The following KCND2 variants were observed in gnomAD, a reference collection of about 807,000 sequenced individuals.
KCND2 encodes A-type voltage-gated potassium channel KCND2.
KCND2 carries 16 observed loss-of-function variants against 54.4 expected under a neutral mutation model. The observed-to-expected ratio is 0.29, with a 90% confidence interval of 0.20 to 0.45. The LOEUF (loss-of-function observed/expected upper bound fraction) is 0.45, where lower values mean the gene tolerates loss of function less well. Among genes scored for constraint, KCND2 ranks in the 20% least tolerant of loss-of-function variants. The probability of loss-of-function intolerance (pLI) is 1.00; values close to 1 mark genes in which losing one functional copy is unlikely to be tolerated. For missense variants in KCND2, 486 were observed against 824.2 expected (o/e 0.59, Z 5.02); for synonymous variants, 317 against 310.7 (o/e 1.02, Z -0.21).
chr7:120,369,915 C>T (rs1800742828), intron 1 of KCND2, among the ~76,000 whole-genome samples: 1 of 151,964 alleles, frequency 6.6e-6, no homozygotes, highest in African/African-American at 2.4e-5. Flanking sequence ...ACATATATCA[C>T]ATTACATACT....
chr7:120,404,762 T>G (rs529094491), intron 1 of KCND2, among the ~76,000 whole-genome samples: 41 of 117,354 alleles, frequency 3.5e-4, no homozygotes, highest in East Asian at 5.3e-4. Context: ...TTAGCACTGA[T>G]TTTTGGGGGG....
chr7:120,719,973 A>T, intron 1 of KCND2, among the ~76,000 whole-genome samples: 1 of 152,128 alleles, frequency 6.6e-6, no homozygotes, highest in East Asian at 1.9e-4. Flanking sequence ...CATTTCATAC[A>T]AGTAGAACAT....
intron 1 of KCND2, among the ~76,000 whole-genome samples, chr7:120,354,119 A>AT (rs904735482): frequency 2.6e-5 from 4 of 152,034 alleles, no homozygotes; most frequent in African/African-American, 9.7e-5. Flanking sequence ...TGAACCAGCC[A>AT]TTTTTTTAAT....
chr7:120,570,845 G>T (rs1226818825), intron 1 of KCND2, among the ~76,000 whole-genome samples: 1 of 152,050 alleles, frequency 6.6e-6, no homozygotes, highest in East Asian at 1.9e-4. Flanking sequence ...TAAAGCTAAG[G>T]GTGACCTTTC....
At chr7:120,403,085 G>T (rs542834733) in intron 1 of KCND2, among the ~76,000 whole-genome samples, 3 of 152,278 alleles carry the variant, frequency 2.0e-5, no homozygotes, top group African/African-American at 7.2e-5. Context: ...CATATGTAAA[G>T]ATGACTTAGC....
chr7:120,456,158 A>T (rs1802197970), intron 1 of KCND2, among the ~76,000 whole-genome samples: 1 of 152,180 alleles, frequency 6.6e-6, no homozygotes, highest in African/African-American at 2.4e-5. Flanking sequence ...TCTAACTCAC[A>T]TGCATGGGTT....
intron 1 of KCND2, among the ~76,000 whole-genome samples, chr7:120,503,111 T>C (rs1359346631): frequency 6.6e-6 from 1 of 152,026 alleles, no homozygotes; most frequent in Non-Finnish European, 1.5e-5. Context: ...TTAAAGTAAA[T>C]ATAATCTACT....
chr7:120,431,796 C>T (rs1215996765), intron 1 of KCND2, among the ~76,000 whole-genome samples: 1 of 151,938 alleles, frequency 6.6e-6, no homozygotes, highest in Middle Eastern at 3.2e-3. Flanking sequence ...CCTTATGTAC[C>T]TCTCCTCCCT....
rs888166955 is a variant in KCND2 at position 120,750,276 on chromosome 7, G to GA, written c.*2425dup. 1.3e-4 allele frequency: 20 copies of GA among 152,214 alleles called. No homozygotes were observed. The highest frequency in any genetic ancestry group is 4.4e-4 in the African/African-American group (18 of 41,378). The allele number at this position is 152,214 out of a possible 1,614,324, so 9.4% of individuals were successfully genotyped here. A position where few individuals can be genotyped will look rare whatever the true frequency, so the allele number is the denominator to read the frequency against. On this transcript the variant is annotated 3_prime_UTR_variant, in exon 6 of 6. Transcript: ENST00000331113. Reference sequence around the variant, plus strand: ...ATAGCATAATATCTGCATTATGCTGGAAAAAAATAGACCTTTGGAGAATAC... The same window carrying GA: ...ATAGCATAATATCTGCATTATGCTGGAAAAAAAATAGACCTTTGGAGAATAC...
chr7:120,605,341 T>G (rs1241139737), intron 1 of KCND2, among the ~76,000 whole-genome samples: 1 of 152,240 alleles, frequency 6.6e-6, no homozygotes, highest in Non-Finnish European at 1.5e-5. Flanking sequence ...CTTTTGTATC[T>G]AGAATCTTTC....
intron 1 of KCND2, among the ~76,000 whole-genome samples, chr7:120,647,692 T>A (rs1332581329): frequency 6.6e-6 from 1 of 152,226 alleles, no homozygotes; most frequent in East Asian, 1.9e-4. Flanking sequence ...ACAATACTGT[T>A]AATATTCTCC....
Position 120,633,911 on chromosome 7 carries a change from G to T in KCND2, c.1116-98992G>T, listed in dbSNP as rs538754973. Among the ~76,000 whole-genome samples, 11 of 152,290 alleles carry T rather than the reference G, an allele frequency of 7.2e-5. No individual in the cohort carries two copies. The South Asian group carries it at 2.3e-3, about 32-fold the overall frequency. Reference sequence around the variant, plus strand: ...AATATATACAATTTTAAGTTGGGTAGTATAGCAAGGATTTTAAATTGCAGC... The same window carrying T: ...AATATATACAATTTTAAGTTGGGTATTATAGCAAGGATTTTAAATTGCAGC... On this transcript the variant is annotated intron_variant, in intron 1 of 5. Coordinates refer to ENST00000331113, the MANE Select transcript of KCND2 (RefSeq NM_012281.3).
chr7:120,334,321 A>G (rs150126536), intron 1 of KCND2, among the ~76,000 whole-genome samples: 32 of 152,306 alleles, frequency 2.1e-4, no homozygotes, highest in Non-Finnish European at 4.6e-4. Context: ...AACTAACACA[A>G]CTCGATGATG....
At position 120,745,857 on chromosome 7, in the gene KCND2, C is replaced by G. The variant is rs756863202; in HGVS notation, c.1545C>G (p.His515Gln). 1 of 1,613,884 alleles carries G rather than the reference C, an allele frequency of 6.2e-7. No homozygotes were observed. Among genetic ancestry groups the G allele is most frequent in the Non-Finnish European group, 8.5e-7 (1 of 1,179,832 alleles). The change falls in exon 5 of 6, where the codon CAC (histidine) becomes CAG (glutamine). Residue 515 changes from histidine to glutamine, a missense_variant. By Grantham distance (24) the His-to-Gln change is conservative. Around this residue, in one of 7 missense-constraint regions of KCND2, gnomAD observed 202 missense variants for 252.7 expected, o/e 0.80. Transcript: ENST00000331113. ...CAACTGTTAATCGTCCTTCAAGTCA[C>G]AGTCCTTCACTGTCTTCACAACAAG... The part of the protein sequence containing the change: ...EVATVNRPSS[H>Q]SPSLSSQQGV...
At chr7:120,577,617 G>A (rs1792453530) in intron 1 of KCND2, among the ~76,000 whole-genome samples, 1 of 152,036 alleles carries the variant, frequency 6.6e-6, no homozygotes, top group South Asian at 2.1e-4. Context: ...ATGGAGTCTC[G>A]CTTTGTCACC....
intron 1 of KCND2, among the ~76,000 whole-genome samples, chr7:120,365,120 G>A (rs562509405): frequency 1.3e-5 from 2 of 150,446 alleles, no homozygotes; most frequent in East Asian, 2.0e-4. Context: ...TTATTTCTTC[G>A]TATTTTGCTT....
At chr7:120,368,644 G>A (rs1254995121) in intron 1 of KCND2, among the ~76,000 whole-genome samples, 2 of 152,010 alleles carry the variant, frequency 1.3e-5, no homozygotes, top group African/African-American at 2.4e-5. Flanking sequence ...ATTTAAATTT[G>A]CAGGAGTATT....
chr7:120,703,581 C>G (rs1197065126), intron 1 of KCND2, among the ~76,000 whole-genome samples: 1 of 152,164 alleles, frequency 6.6e-6, no homozygotes, highest in Non-Finnish European at 1.5e-5. Flanking sequence ...CTGTAACATT[C>G]AGAAGAACAG....
intron 1 of KCND2, among the ~76,000 whole-genome samples, chr7:120,352,576 G>T (rs1408808408): frequency 6.6e-6 from 1 of 151,682 alleles, no homozygotes; most frequent in Non-Finnish European, 1.5e-5. Context: ...CTTATGGGAA[G>T]GTTAAGACTT....
Sources: allele counts gnomAD v4.1 joint callset (sites outside exome capture counted in the v4.1 genomes callset), GRCh38; gene constraint gnomAD v4.1.1; regional missense constraint gnomAD v4.1.1; transcripts MANE v1.5; gene names NCBI Gene and HGNC (gene_info 2026-07-23, HGNC 2026-07-21).